LDLRAD3: variants seen among roughly 807,000 people sequenced by gnomAD.
LDLRAD3 encodes low density lipoprotein receptor class A domain containing 3.
Under a neutral mutation model 29.4 loss-of-function variants are expected in LDLRAD3, and 20 were observed. That is an observed-to-expected ratio of 0.68 (90% CI 0.48 to 0.99). The LOEUF is 0.99. Ranked by LOEUF, LDLRAD3 falls within the 50% of genes least tolerant of loss-of-function variation. The pLI is 0.00. For missense variants in LDLRAD3, 420 were observed against 454.3 expected (o/e 0.92, Z 0.69); for synonymous variants, 157 against 192.7 (o/e 0.81, Z 1.53).
At chr11:36,029,495 C>T (rs1852208741) in intron 1 of LDLRAD3, among the ~76,000 whole-genome samples, 1 of 152,074 alleles carries the variant, frequency 6.6e-6, no homozygotes, top group Non-Finnish European at 1.5e-5. Flanking sequence ...GACTTTGGAT[C>T]TCACAAAGGC....
intron 4 of LDLRAD3, among the ~76,000 whole-genome samples, chr11:36,157,806 CT>C (rs1228099800): frequency 6.6e-6 from 1 of 152,132 alleles, no homozygotes; most frequent in Non-Finnish European, 1.5e-5. Context: ...GAGGAAACAT[CT>C]TTTTCTCTCT....
chr11:36,156,000 C>T (rs1854345041), intron 4 of LDLRAD3, among the ~76,000 whole-genome samples: 1 of 152,214 alleles, frequency 6.6e-6, no homozygotes, highest in South Asian at 2.1e-4. Flanking sequence ...TGTTCTGCCT[C>T]ACCATTTCTT....
intron 1 of LDLRAD3, among the ~76,000 whole-genome samples, chr11:35,949,082 T>A (rs1483818426): frequency 6.6e-6 from 1 of 152,072 alleles, no homozygotes; most frequent in Non-Finnish European, 1.5e-5. Flanking sequence ...ATGCAGGGGG[T>A]CAAGATGCCA....
chr11:36,192,462 T>G (rs1854968843), intron 4 of LDLRAD3, among the ~76,000 whole-genome samples: 1 of 152,156 alleles, frequency 6.6e-6, no homozygotes, highest in Admixed American at 6.5e-5. Context: ...AAAAACCCAA[T>G]TCTGAGCATT....
chr11:35,948,789 G>A (rs746133621), intron 1 of LDLRAD3, among the ~76,000 whole-genome samples: 2 of 152,088 alleles, frequency 1.3e-5, no homozygotes, highest in Admixed American at 6.5e-5. Flanking sequence ...TGGTACCAAC[G>A]ACACCTTGGC....
chr11:36,073,803 A>C (rs1198513306), intron 2 of LDLRAD3, among the ~76,000 whole-genome samples: 1 of 152,216 alleles, frequency 6.6e-6, no homozygotes, highest in African/African-American at 2.4e-5. Context: ...ATTCGTTTAT[A>C]ATTATTCATA....
chr11:35,952,632 GA>G (rs1159760417), intron 1 of LDLRAD3, among the ~76,000 whole-genome samples: 1 of 152,090 alleles, frequency 6.6e-6, no homozygotes, highest in African/African-American at 2.4e-5. Flanking sequence ...CCCTTTATGG[GA>G]ATATTTTGTT....
intron 2 of LDLRAD3, among the ~76,000 whole-genome samples, chr11:36,066,325 G>C (rs567438825): frequency 1.6e-4 from 25 of 152,114 alleles, no homozygotes; most frequent in Non-Finnish European, 3.1e-4. Flanking sequence ...TTAATCCCAG[G>C]GACTTGGATC....
chr11:36,205,573 A>G (rs1214433498), intron 4 of LDLRAD3, among the ~76,000 whole-genome samples: 2 of 152,194 alleles, frequency 1.3e-5, no homozygotes, highest in African/African-American at 4.8e-5. Flanking sequence ...TATTCCCCCA[A>G]AGTCTTTACA....
At chr11:36,062,530 G>A (rs117278449) in intron 2 of LDLRAD3, among the ~76,000 whole-genome samples, 14,305 of 152,180 alleles carry the variant, frequency 0.094, 883 homozygotes, top group Admixed American at 0.15. Context: ...CCATCTCCCT[G>A]ACTGACATGG....
chr11:35,949,581 CTG>C (rs906223562), intron 1 of LDLRAD3, among the ~76,000 whole-genome samples: 4 of 152,196 alleles, frequency 2.6e-5, no homozygotes, highest in South Asian at 2.1e-4. Flanking sequence ...TAGCGGCAAG[CTG>C]TGTGTGTGTG....
chr11:36,121,893 G>A (rs1322085697), intron 4 of LDLRAD3, among the ~76,000 whole-genome samples: 1 of 152,230 alleles, frequency 6.6e-6, no homozygotes, highest in Non-Finnish European at 1.5e-5. Flanking sequence ...CACTGCAATG[G>A]CTGGTGTTAC....
At position 36,145,381 on chromosome 11, in the gene LDLRAD3, T is replaced by TG. The variant is rs1416853569; in HGVS notation, c.454+46927dup. Among the ~76,000 whole-genome samples, 18 of 81,634 alleles carry TG rather than the reference T, an allele frequency of 2.2e-4. 1 individual carries two copies. The highest frequency in any genetic ancestry group is 3.4e-4 in the Non-Finnish European group (14 of 41,614). The allele number at this position is 81,634 out of a possible 152,430, so 53.6% of individuals were successfully genotyped here. A position where few individuals can be genotyped will look rare whatever the true frequency, so the allele number is the denominator to read the frequency against. On this transcript the variant is annotated intron_variant, in intron 4 of 5. Transcript: ENST00000315571. ...CCAGCCGCCCCGTCTGGGAGGGAGG[T>TG]GGGGGGGTCAGCCCCCCGCCCAGCC...
intron 1 of LDLRAD3, among the ~76,000 whole-genome samples, chr11:36,028,330 C>T (rs1408488135): frequency 2.0e-5 from 3 of 152,160 alleles, no homozygotes; most frequent in Non-Finnish European, 4.4e-5. Flanking sequence ...GATGCAGCAG[C>T]AAGAAGACAT....
chr11:36,081,867 T>C, intron 3 of LDLRAD3, 89 bp downstream of exon 3: 1 of 1,486,542 alleles, frequency 6.7e-7, no homozygotes, highest in Non-Finnish European at 9.2e-7. Flanking sequence ...CATGTGCTTC[T>C]TATACCTAGA....
intron 4 of LDLRAD3, among the ~76,000 whole-genome samples, chr11:36,103,236 C>CTTTT (rs3082245): frequency 6.5e-5 from 8 of 123,912 alleles, no homozygotes; most frequent in Admixed American, 1.8e-4. Context: ...AGTATTTAAT[C>CTTTT]TTTTTTTTTT....
At chr11:35,999,818 T>C (rs1851800849) in intron 1 of LDLRAD3, among the ~76,000 whole-genome samples, 1 of 152,190 alleles carries the variant, frequency 6.6e-6, no homozygotes, top group South Asian at 2.1e-4. Flanking sequence ...GGTGACCTAC[T>C]CATGAGGGCC....
intron 4 of LDLRAD3, among the ~76,000 whole-genome samples, chr11:36,148,445 C>A (rs996523709): frequency 6.6e-6 from 1 of 152,146 alleles, no homozygotes. Flanking sequence ...CTTTTCTATT[C>A]CCTAACGAGG....
chr11:36,077,919 C>G (rs1853042509), intron 2 of LDLRAD3, among the ~76,000 whole-genome samples: 1 of 152,146 alleles, frequency 6.6e-6, no homozygotes, highest in African/African-American at 2.4e-5. Flanking sequence ...TGTCCTGCAT[C>G]CGGGAAGAAT....
Sources: allele counts gnomAD v4.1 joint callset (sites outside exome capture counted in the v4.1 genomes callset), GRCh38; gene constraint gnomAD v4.1.1; transcripts MANE v1.5; gene names NCBI Gene and HGNC (gene_info 2026-07-23, HGNC 2026-07-21).